FREM2: variants seen among roughly 807,000 people sequenced by gnomAD.
The protein encoded by FREM2 is FRAS1 related extracellular matrix 2.
Under a neutral mutation model 219.9 loss-of-function variants are expected in FREM2, and 119 were observed. The ratio of observed to expected loss-of-function variants is 0.54; its 90% confidence interval spans 0.47 to 0.63. The LOEUF is 0.63. FREM2 is among the 30% of genes least tolerant of loss of function. The probability of loss-of-function intolerance (pLI) is 0.00; values close to 1 mark genes in which losing one functional copy is unlikely to be tolerated. For missense variants in FREM2, 4,030 were observed against 3,993.6 expected, an observed-to-expected ratio of 1.01 and a Z score of -0.25; for synonymous variants, 1,562 against 1,522.8, an observed-to-expected ratio of 1.03 and a Z score of -0.60.
rs1171421240 is a variant in FREM2 at position 38,688,474 on chromosome 13, G to C, written c.1130G>C (p.Ser377Thr). 7 of 1,614,038 alleles carry C rather than the reference G, an allele frequency of 4.3e-6. No homozygotes were observed. The highest frequency in any genetic ancestry group is 4.0e-5 in the African/African-American group (3 of 74,938). The change falls in exon 1 of 24, where the codon AGC becomes ACC. Residue 377 changes from serine to threonine, a missense_variant. Transcript: ENST00000280481. ...TACTTGGTGAGCACCGATGATCGCAGCCTGCCCCTTTCCTCCTTCACTCAG... is the reference window on the plus strand; with the variant it reads ...TACTTGGTGAGCACCGATGATCGCACCCTGCCCCTTTCCTCCTTCACTCAG... ...QGYLVSTDDRSLPLSSFTQRD... is the reference protein window; with the variant it reads ...QGYLVSTDDRTLPLSSFTQRD...
At chr13:38,735,192 T>A (rs1871940497) in intron 2 of FREM2, among the ~76,000 whole-genome samples, 1 of 152,220 alleles carries the variant, frequency 6.6e-6, no homozygotes, top group African/African-American at 2.4e-5. Flanking sequence ...ACACTGTCCC[T>A]TTTATGAAGA....
At chr13:38,747,823 T>G (rs1872550294) in intron 2 of FREM2, among the ~76,000 whole-genome samples, 1 of 152,164 alleles carries the variant, frequency 6.6e-6, no homozygotes, top group Non-Finnish European at 1.5e-5. Context: ...TTGTATCTGT[T>G]TATCAGCCTT....
Position 38,883,185 on chromosome 13 carries a change from C to T in FREM2, c.*2398C>T, listed in dbSNP as rs1878607546. On this transcript the variant is annotated 3_prime_UTR_variant, in exon 24 of 24. Coordinates refer to ENST00000280481, the MANE Select transcript of FREM2 (RefSeq NM_207361.6). ...ATCTGTGGGAAATAGGCAGATATAG[C>T]TTTTTAAAATATAAAGTACTTGGGA... is the stretch of plus-strand genomic sequence containing the variant. 6.6e-6 allele frequency: 1 copy of T among 152,000 alleles called. No individual in the cohort carries two copies. Among genetic ancestry groups the T allele is most frequent in the African/African-American group, 2.4e-5 (1 of 41,380 alleles). The allele number at this position is 152,000 out of a possible 1,614,324, so 9.4% of individuals were successfully genotyped here.
chr13:38,792,906 C>T (rs901213349), intron 6 of FREM2, among the ~76,000 whole-genome samples: 4 of 152,118 alleles, frequency 2.6e-5, no homozygotes, highest in African/African-American at 9.7e-5. Flanking sequence ...TAAGCAAATA[C>T]AGTGGTGCCC....
chr13:38,783,385 T>C (rs1190057024), intron 5 of FREM2, among the ~76,000 whole-genome samples, 190 bp downstream of exon 5: 1 of 151,872 alleles, frequency 6.6e-6, no homozygotes, highest in Non-Finnish European at 1.5e-5. Context: ...TGATTTCACT[T>C]GGTCACTTAC....
At chr13:38,741,285 G>A (rs1872235934) in intron 2 of FREM2, among the ~76,000 whole-genome samples, 1 of 152,182 alleles carries the variant, frequency 6.6e-6, no homozygotes, top group Admixed American at 6.5e-5. Flanking sequence ...GGGAACCAGT[G>A]TTAGACATTC....
intron 2 of FREM2, among the ~76,000 whole-genome samples, chr13:38,705,439 A>C (rs776104483): frequency 2.2e-4 from 33 of 152,194 alleles, no homozygotes; most frequent in Non-Finnish European, 4.4e-4. Flanking sequence ...TACTTCTTTG[A>C]AATGTGTATA....
At chr13:38,710,197 A>G (rs1870715287) in intron 2 of FREM2, among the ~76,000 whole-genome samples, 2 of 152,000 alleles carry the variant, frequency 1.3e-5, no homozygotes, top group African/African-American at 4.8e-5. Flanking sequence ...CGAAACAACA[A>G]CAACAAAAAA....
chr13:38,877,508 G>T (rs1331573147), intron 21 of FREM2, among the ~76,000 whole-genome samples: 1 of 151,748 alleles, frequency 6.6e-6, no homozygotes, highest in African/African-American at 2.4e-5. Context: ...TTTCTCGAAT[G>T]TTTTTTTTCA....
intron 4 of FREM2, among the ~76,000 whole-genome samples, chr13:38,779,892 T>G (rs1273698185): frequency 6.6e-6 from 1 of 152,212 alleles, no homozygotes; most frequent in Admixed American, 6.5e-5. Context: ...GTAACTGGCC[T>G]CCGGGGCCCA....
At chr13:38,781,957 G>T (rs1874134555) in intron 4 of FREM2, among the ~76,000 whole-genome samples, 1 of 152,118 alleles carries the variant, frequency 6.6e-6, no homozygotes, top group South Asian at 2.1e-4. Context: ...GAAACCAAGG[G>T]AATAAACGCC....
intron 2 of FREM2, among the ~76,000 whole-genome samples, chr13:38,707,642 G>A (rs77800240): frequency 0.097 from 14,707 of 152,150 alleles, 883 homozygotes; most frequent in South Asian, 0.2. Flanking sequence ...TTAGAGGCAC[G>A]AGTTGAGAAC....
chr13:38,727,765 A>G (rs977105702), intron 2 of FREM2, among the ~76,000 whole-genome samples: 15 of 152,206 alleles, frequency 9.9e-5, no homozygotes, highest in Non-Finnish European at 2.1e-4. Flanking sequence ...GCCTCCCAGT[A>G]GCTTGCTTTC....
chr13:38,812,365 G>A (rs779627500), intron 6 of FREM2, among the ~76,000 whole-genome samples: 8 of 151,882 alleles, frequency 5.3e-5, no homozygotes, highest in East Asian at 1.9e-4. Flanking sequence ...TCTGGTTGTC[G>A]GGTCTTTTCT....
chr13:38,837,769 T>TTTTTTTG (rs1439482080), intron 6 of FREM2, among the ~76,000 whole-genome samples: 2 of 143,262 alleles, frequency 1.4e-5, no homozygotes, highest in African/African-American at 2.5e-5. Context: ...CCCCTGGTTT[T>TTTTTTTG]TTTTTGTTTT....
At chr13:38,701,208 A>G (rs1204808643) in intron 2 of FREM2, among the ~76,000 whole-genome samples, 2 of 152,088 alleles carry the variant, frequency 1.3e-5, no homozygotes, top group Non-Finnish European at 2.9e-5. Flanking sequence ...TGATATCAGA[A>G]TAAGGCACTC....
chr13:38,856,780 CACTA>C (rs1479900254), intron 12 of FREM2, among the ~76,000 whole-genome samples: 2 of 141,342 alleles, frequency 1.4e-5, no homozygotes, highest in Admixed American at 1.4e-4. Context: ...TATATTGTCT[CACTA>C]ACCAGGTTTT....
chr13:38,689,711 G>T lies in FREM2; in HGVS notation c.2367G>T (p.Pro789=). ...INHHKIAYRP[P]GQELGVATRV... Reference sequence around the variant, plus strand: ...ATCATAAAATTGCTTACAGACCCCCGGGTCAAGAACTGGGCGTGGCTACTC... The same window carrying T: ...ATCATAAAATTGCTTACAGACCCCCTGGTCAAGAACTGGGCGTGGCTACTC... Residue 789 remains proline, a synonymous_variant, in exon 1 of 24, where the codon CCG becomes CCT. Transcript: ENST00000280481. 1 of 1,613,912 alleles carries T rather than the reference G, an allele frequency of 6.2e-7. No individual in the cohort carries two copies. The highest frequency in any genetic ancestry group is 8.5e-7 in the Non-Finnish European group (1 of 1,179,938).
At chr13:38,718,656 C>T (rs1871104036) in intron 2 of FREM2, among the ~76,000 whole-genome samples, 1 of 148,012 alleles carries the variant, frequency 6.8e-6, no homozygotes, top group Non-Finnish European at 1.5e-5. Flanking sequence ...CTTTTTCTTT[C>T]ACTACAAAAA....
Sources: gnomAD v4.1 joint callset for allele counts (sites outside exome capture counted in the v4.1 genomes callset) on GRCh38, gnomAD v4.1.1 for gene constraint, MANE v1.5 for transcripts, NCBI Gene and HGNC (gene_info 2026-07-23, HGNC 2026-07-21) for gene names.